The following PHAF1 variants were observed in gnomAD, a reference collection of about 807,000 sequenced individuals.
PHAF1 encodes the protein phagophore assembly factor 1.
A neutral mutation model predicts 63.1 loss-of-function variants in PHAF1; 23 were observed. The observed-to-expected ratio is 0.36, with a 90% CI of 0.26 to 0.52. The LOEUF (loss-of-function observed/expected upper bound fraction) is 0.52, where lower values mean the gene tolerates loss of function less well. Ranked by LOEUF, PHAF1 falls within the 20% of genes least tolerant of loss-of-function variation. PHAF1 has a pLI of 0.93. For missense variants in PHAF1, 427 were observed against 517.2 expected (o/e 0.83, Z 1.69); for synonymous variants, 167 against 185.0 (o/e 0.90, Z 0.79).
chr16:67,122,531 A>G (rs1437922402), intron 2 of PHAF1, among the ~76,000 whole-genome samples: 1 of 149,994 alleles, frequency 6.7e-6, no homozygotes, highest in African/African-American at 2.5e-5. Flanking sequence ...TGATTGTATC[A>G]CTGCACTTCA....
At chr16:67,119,637 C>T (rs1489582574) in intron 1 of PHAF1, among the ~76,000 whole-genome samples, 1 of 151,364 alleles carries the variant, frequency 6.6e-6, no homozygotes, top group Non-Finnish European at 1.5e-5. Flanking sequence ...TCTCCTGCCT[C>T]AGCCTCCCGG....
At position 67,132,859 on chromosome 16, in the gene PHAF1, G is replaced by A. The variant is rs750334706; in HGVS notation, c.398G>A (p.Gly133Glu). The A allele has an allele frequency of 1.2e-6, 2 of 1,613,984 alleles. No homozygotes were observed. Among genetic ancestry groups the A allele is most frequent in the Non-Finnish European group, 8.5e-7 (1 of 1,179,840 alleles). ...AEQLFHLNFRGLSFSFQLDSW... is the reference protein window; with the variant it reads ...AEQLFHLNFRELSFSFQLDSW... ...CAGCTCTTCCATCTCAACTTCAGAG[G>A]ACTGTCTTTCTCTTTTCAGTTAGAC... Residue 133 changes from glycine (G) to glutamate (E), a missense_variant, in exon 6 of 16, where the codon GGA becomes GAA. Transcript: ENST00000219139.
chr16:67,144,465 A>C, intron 11 of PHAF1, 89 bp downstream of exon 11: 1 of 917,782 alleles, frequency 1.1e-6, no homozygotes, highest in Admixed American at 2.0e-5. Flanking sequence ...GGTGTTCACT[A>C]ATTTATCTAC....
At chr16:67,138,465 G>A (rs1477907077) in intron 8 of PHAF1, among the ~76,000 whole-genome samples, 1 of 151,644 alleles carries the variant, frequency 6.6e-6, no homozygotes, top group South Asian at 2.1e-4. Context: ...TGGTGTCAGT[G>A]ATTATCATGG....
At chr16:67,131,203 T>G (rs1963384371) in intron 3 of PHAF1, 83 bp from the exon 4 acceptor site, 2 of 471,034 alleles carry the variant, frequency 4.2e-6, no homozygotes, top group African/African-American at 4.3e-5. Flanking sequence ...TTTTTTTTAC[T>G]ATTTATTCTA....
At chr16:67,125,564 G>A (rs1289305694) in intron 2 of PHAF1, among the ~76,000 whole-genome samples, 1 of 152,186 alleles carries the variant, frequency 6.6e-6, no homozygotes, top group Non-Finnish European at 1.5e-5. Flanking sequence ...TCCTGGACTA[G>A]GCCTTTTCAC....
chr16:67,119,686 ATTTT>A (rs776583499), intron 1 of PHAF1, among the ~76,000 whole-genome samples: 1 of 132,332 alleles, frequency 7.6e-6, no homozygotes. Flanking sequence ...CGCCTGGCTA[ATTTT>A]TTTTTTTTTT....
chr16:67,115,501 C>G (rs1000759272), intron 1 of PHAF1, among the ~76,000 whole-genome samples: 1 of 152,114 alleles, frequency 6.6e-6, no homozygotes, highest in Non-Finnish European at 1.5e-5. Context: ...TGGGTAAGAT[C>G]CAGAATATTC....
chr16:67,117,255 C>T (rs1249546151), intron 1 of PHAF1, among the ~76,000 whole-genome samples: 2 of 142,292 alleles, frequency 1.4e-5, no homozygotes, highest in Admixed American at 6.9e-5. Flanking sequence ...TTCACCAAGC[C>T]GGCCAGGCTG....
At position 67,146,425 on chromosome 16, in the gene PHAF1, G is replaced by A. The variant is rs964695514; in HGVS notation, c.1182+75G>A. ...TGGCAGGGCCAGGTGAATGATGGAG[G>A]GAAATTGGGGAGGGCATCACTGCCA... On this transcript the variant is annotated intron_variant, in intron 15 of 15. Transcript: ENST00000219139. 16 of 1,450,232 alleles carry A rather than the reference G, an allele frequency of 1.1e-5. No individual in the cohort carries two copies. In the African/African-American group the frequency reaches 1.1e-4, roughly 10 times the overall value. 89.8% of individuals were successfully genotyped at this position (1,450,232 alleles called of 1,614,324 possible).
chr16:67,113,073 T>A (rs935516821), intron 1 of PHAF1, among the ~76,000 whole-genome samples: 1 of 152,176 alleles, frequency 6.6e-6, no homozygotes, highest in Non-Finnish European at 1.5e-5. Flanking sequence ...GGTGTTGTTA[T>A]CTCTTTTTGC....
At chr16:67,114,742 CTG>C (rs891295736) in intron 1 of PHAF1, among the ~76,000 whole-genome samples, 2 of 152,184 alleles carry the variant, frequency 1.3e-5, no homozygotes, top group African/African-American at 4.8e-5. Context: ...GTGTTGGAAT[CTG>C]TGCAAATCTG....
At chr16:67,122,935 G>T (rs1963043694) in intron 2 of PHAF1, among the ~76,000 whole-genome samples, 2 of 151,874 alleles carry the variant, frequency 1.3e-5, no homozygotes, top group African/African-American at 2.4e-5. Flanking sequence ...CACCATGTTG[G>T]CCAGGCTGAT....
intron 2 of PHAF1, among the ~76,000 whole-genome samples, chr16:67,120,995 G>A (rs1276098390): frequency 6.6e-6 from 1 of 152,158 alleles, no homozygotes; most frequent in African/African-American, 2.4e-5. Context: ...CCTATACCCA[G>A]AGATTACATT....
chr16:67,124,856 T>C (rs1472862666), intron 2 of PHAF1, among the ~76,000 whole-genome samples: 1 of 151,540 alleles, frequency 6.6e-6, no homozygotes, highest in African/African-American at 2.4e-5. Context: ...TGAGCCAAGA[T>C]TGTGCCACCG....
Position 67,110,246 on chromosome 16 carries a change from T to G in PHAF1, c.64+7T>G. 1 of 1,551,826 alleles carries G rather than the reference T, an allele frequency of 6.4e-7. No individual in the cohort carries two copies. The highest frequency in any genetic ancestry group is 8.7e-7 in the Non-Finnish European group (1 of 1,147,102). ...CAATGGGAATTCACGCTGGGTGAGT[T>G]TGGGGTCCTCTGTCAGGACCCCATT... On this transcript the variant is annotated splice_region_variant and intron_variant, in intron 1 of 15. Coordinates refer to ENST00000219139, the MANE Select transcript of PHAF1 (RefSeq NM_025187.5).
Position 67,132,892 on chromosome 16 carries a change from C to G in PHAF1, c.431C>G (p.Thr144Ser), listed in dbSNP as rs144322662. ...LSFSFQLDSW[T>S]EAPKYEPNFA... ...TTCTCTTTTCAGTTAGACTCATGGACTGAGGCTCCAAAGTATGAGGTTAGC... is the reference window on the plus strand; with the variant it reads ...TTCTCTTTTCAGTTAGACTCATGGAGTGAGGCTCCAAAGTATGAGGTTAGC... Residue 144 changes from threonine to serine, a missense_variant, in exon 6 of 16, where the codon ACT (threonine) becomes AGT (serine). By Grantham distance (58) the Thr-to-Ser change is moderately conservative. Transcript: ENST00000219139. 18 of 1,611,206 alleles carry G rather than the reference C, an allele frequency of 1.1e-5. No individual in the cohort carries two copies. In the South Asian group the frequency reaches 1.3e-4, roughly 12 times the overall value.
intron 6 of PHAF1, 74 bp downstream of exon 6, chr16:67,132,985 G>C: frequency 1.6e-6 from 2 of 1,227,178 alleles, no homozygotes; most frequent in South Asian, 2.7e-5. Context: ...TCATGGGATG[G>C]GAATAGAGGA....
chr16:67,117,032 GAAAC>G lies in PHAF1; in HGVS notation c.65-3075_65-3072del, dbSNP rs1747588907. Reference sequence around the variant, plus strand: ...CTTGTTTAAATTATAATGGACTCTGGAAACAAACTTTTTTTTTTGAGACGGAGTG... The same window carrying G: ...CTTGTTTAAATTATAATGGACTCTGGAAACTTTTTTTTTTGAGACGGAGTG... On this transcript the variant is annotated intron_variant, in intron 1 of 15. Coordinates refer to ENST00000219139, the MANE Select transcript of PHAF1 (RefSeq NM_025187.5). 6.6e-5 allele frequency among the ~76,000 whole-genome samples: 10 copies of G among 151,650 alleles called. No homozygotes were observed. The South Asian group carries it at 2.1e-3, about 32-fold the overall frequency.
Sources: allele counts gnomAD v4.1 joint callset (sites outside exome capture counted in the v4.1 genomes callset), GRCh38; gene constraint gnomAD v4.1.1; transcripts MANE v1.5; gene names NCBI Gene and HGNC (gene_info 2026-07-23, HGNC 2026-07-21).